The following HPSE2 variants were observed in gnomAD, a reference collection of about 807,000 sequenced individuals.
HPSE2 encodes inactive heparanase-2.
Under a neutral mutation model 60.5 loss-of-function variants are expected in HPSE2, and 38 were observed. That is an observed-to-expected ratio of 0.63 (90% CI 0.48 to 0.82). The LOEUF (loss-of-function observed/expected upper bound fraction) is 0.82, where lower values mean the gene tolerates loss of function less well. Among genes scored for constraint, HPSE2 ranks in the 40% least tolerant of loss-of-function variants. The probability of loss-of-function intolerance (pLI) is 0.00; values close to 1 mark genes in which losing one functional copy is unlikely to be tolerated. For synonymous variants in HPSE2, 295 were observed against 293.2 expected, an observed-to-expected ratio of 1.01 and a Z score of -0.06; for missense variants, 713 against 740.4, an observed-to-expected ratio of 0.96 and a Z score of 0.43.
At chr10:99,081,836 C>T (rs939742769) in intron 3 of HPSE2, among the ~76,000 whole-genome samples, 1 of 152,030 alleles carries the variant, frequency 6.6e-6, no homozygotes, top group Non-Finnish European at 1.5e-5. Context: ...CAGGGTATCA[C>T]TGTGTTAGCC....
intron 3 of HPSE2, among the ~76,000 whole-genome samples, chr10:99,042,013 G>A (rs1957751082): frequency 6.6e-6 from 1 of 152,142 alleles, no homozygotes; most frequent in Non-Finnish European, 1.5e-5. Context: ...CACATGTATA[G>A]TTTTTAATTT....
intron 3 of HPSE2, among the ~76,000 whole-genome samples, chr10:98,955,808 G>C (rs1267459114): frequency 6.6e-6 from 1 of 152,158 alleles, no homozygotes; most frequent in Non-Finnish European, 1.5e-5. Context: ...CCTTTGCAGG[G>C]ACATGGATGG....
At chr10:99,002,308 A>C (rs928407723) in intron 3 of HPSE2, among the ~76,000 whole-genome samples, 4 of 152,090 alleles carry the variant, frequency 2.6e-5, no homozygotes, top group Non-Finnish European at 5.9e-5. Context: ...GGTGGAGCAT[A>C]ACTCTCCACT....
intron 9 of HPSE2, among the ~76,000 whole-genome samples, chr10:98,575,063 C>T (rs1944605063): frequency 1.3e-5 from 2 of 152,168 alleles, no homozygotes; most frequent in African/African-American, 2.4e-5. Context: ...GATCCCACAA[C>T]CAACCACTGT....
intron 3 of HPSE2, among the ~76,000 whole-genome samples, chr10:99,047,275 A>C (rs1957878049): frequency 6.6e-6 from 1 of 152,234 alleles, no homozygotes; most frequent in African/African-American, 2.4e-5. Context: ...CCATATGCAG[A>C]AGAATAAAAC....
intron 3 of HPSE2, among the ~76,000 whole-genome samples, chr10:98,775,274 G>C (rs1020094550): frequency 2.0e-5 from 3 of 152,158 alleles, no homozygotes; most frequent in Non-Finnish European, 4.4e-5. Flanking sequence ...CTTGTCTCTG[G>C]TTGATTTGCA....
chr10:99,014,641 G>A (rs780614160), intron 3 of HPSE2, among the ~76,000 whole-genome samples: 29 of 152,104 alleles, frequency 1.9e-4, no homozygotes, highest in Non-Finnish European at 3.4e-4. Flanking sequence ...TTTAATAATC[G>A]TCATTCTAAC....
chr10:98,559,437 C>G (rs1268366836), intron 9 of HPSE2, among the ~76,000 whole-genome samples: 1 of 152,170 alleles, frequency 6.6e-6, no homozygotes, highest in Non-Finnish European at 1.5e-5. Flanking sequence ...CAACTCTACA[C>G]TCCCACTGTG....
At chr10:98,798,833 A>G (rs1755856977) in intron 3 of HPSE2, among the ~76,000 whole-genome samples, 1 of 152,166 alleles carries the variant, frequency 6.6e-6, no homozygotes, top group South Asian at 2.1e-4. Flanking sequence ...AGAGAAGACC[A>G]TGAAACAACC....
intron 2 of HPSE2, among the ~76,000 whole-genome samples, chr10:99,152,093 C>T (rs984856070): frequency 4.5e-4 from 68 of 151,772 alleles, no homozygotes; most frequent in African/African-American, 1.2e-3. Flanking sequence ...GGGCAGATCA[C>T]GAGGTCAGGA....
intron 3 of HPSE2, among the ~76,000 whole-genome samples, chr10:98,800,832 T>G (rs1950888688): frequency 6.6e-6 from 1 of 152,146 alleles, no homozygotes; most frequent in African/African-American, 2.4e-5. Context: ...CTCAAACTAT[T>G]CTGAAAAATA....
At chr10:99,111,976 T>C (rs1489775393) in intron 3 of HPSE2, among the ~76,000 whole-genome samples, 2 of 152,212 alleles carry the variant, frequency 1.3e-5, no homozygotes, top group Non-Finnish European at 2.9e-5. Context: ...GGTCAAGTCT[T>C]ATCATCTACA....
At chr10:99,097,008 G>A (rs142934774) in intron 3 of HPSE2, among the ~76,000 whole-genome samples, 1 of 152,168 alleles carries the variant, frequency 6.6e-6, no homozygotes, top group South Asian at 2.1e-4. Context: ...GGTTCCATCA[G>A]GAGTTATATC....
chr10:99,023,711 G>A (rs1957315996), intron 3 of HPSE2, among the ~76,000 whole-genome samples: 1 of 152,208 alleles, frequency 6.6e-6, no homozygotes, highest in Non-Finnish European at 1.5e-5. Flanking sequence ...ATAATCCAGT[G>A]AATTCTTCAA....
intron 3 of HPSE2, among the ~76,000 whole-genome samples, chr10:98,744,981 T>A (rs1949592630): frequency 6.6e-6 from 1 of 152,262 alleles, no homozygotes. Context: ...GGCGGGTGGA[T>A]CTCGAGGTCA....
the HPSE2 span, among the ~76,000 whole-genome samples, chr10:99,315,482 G>A: frequency 6.6e-6 from 1 of 152,180 alleles, no homozygotes; most frequent in Admixed American, 6.5e-5. Context: ...GAAGGAAGAA[G>A]GGAGTGATGG....
At chr10:99,048,100 C>T in intron 3 of HPSE2, 1 of 921,034 alleles carries the variant, frequency 1.1e-6, no homozygotes, top group South Asian at 1.4e-5. Flanking sequence ...ATGAACTAAT[C>T]TACAAGCGTG....
chr10:98,941,354 C>A (rs1366373873), intron 3 of HPSE2, among the ~76,000 whole-genome samples: 2 of 124,476 alleles, frequency 1.6e-5, no homozygotes, highest in Middle Eastern at 4.0e-3. Context: ...AGCCCGAAAT[C>A]TCCTTAAGCT....
intron 5 of HPSE2, among the ~76,000 whole-genome samples, chr10:98,707,426 A>G (rs190694921): frequency 3.3e-5 from 5 of 152,344 alleles, no homozygotes; most frequent in Admixed American, 6.5e-5. Context: ...CTGGTCCTTC[A>G]TGACACTATA....
Sources: allele counts gnomAD v4.1 joint callset (sites outside exome capture counted in the v4.1 genomes callset), GRCh38; gene constraint gnomAD v4.1.1; transcripts MANE v1.5; gene names NCBI Gene and HGNC (gene_info 2026-07-23, HGNC 2026-07-21).